VEPH1: variants seen among roughly 807,000 people sequenced by gnomAD.
The protein encoded by VEPH1 is ventricular zone expressed PH domain containing 1.
VEPH1 carries 80 observed loss-of-function variants against 85.2 expected under a neutral mutation model. That is an observed-to-expected ratio of 0.94 (90% confidence interval 0.78 to 1.13). The LOEUF is 1.13. VEPH1 is among the 50% of genes most tolerant of loss of function. The pLI is 0.00. For missense variants in VEPH1, 955 were observed against 980.5 expected (o/e 0.97, Z 0.35); for synonymous variants, 297 against 348.0 (o/e 0.85, Z 1.63).
intron 4 of VEPH1, among the ~76,000 whole-genome samples, chr3:157,432,819 A>C (rs1209713113): frequency 6.6e-6 from 1 of 152,188 alleles, no homozygotes; most frequent in African/African-American, 2.4e-5. Flanking sequence ...CATATTGAAC[A>C]TATTGACTAA....
chr3:157,442,843 A>G (rs76994524), intron 4 of VEPH1: 2 of 1,614,214 alleles, frequency 1.2e-6, no homozygotes, highest in Non-Finnish European at 1.7e-6. Flanking sequence ...ACAGGCTTCA[A>G]TATCTGGGAT....
At chr3:157,300,939 G>C (rs1224910436) in intron 11 of VEPH1, among the ~76,000 whole-genome samples, 1 of 152,200 alleles carries the variant, frequency 6.6e-6, no homozygotes, top group Non-Finnish European at 1.5e-5. Context: ...TAAAAGTCAT[G>C]CTTGTGAAAA....
intron 12 of VEPH1, among the ~76,000 whole-genome samples, chr3:157,272,171 C>G (rs12486304): frequency 0.54 from 82,194 of 151,752 alleles, 23,322 homozygotes; most frequent in East Asian, 0.66. Context: ...AGAGAAGAAC[C>G]AGCAGGAGCA....
intron 12 of VEPH1, among the ~76,000 whole-genome samples, chr3:157,271,104 G>A (rs1216213419): frequency 6.6e-6 from 1 of 152,262 alleles, no homozygotes; most frequent in South Asian, 2.1e-4. Flanking sequence ...AGGTGCTCTC[G>A]AACACCCCTC....
chr3:157,291,022 C>A (rs1717417865), intron 11 of VEPH1, among the ~76,000 whole-genome samples: 1 of 152,130 alleles, frequency 6.6e-6, no homozygotes, highest in Non-Finnish European at 1.5e-5. Flanking sequence ...AAGCAATTTT[C>A]CAGAAATCAG....
chr3:157,332,802 T>C (rs1722627800), intron 9 of VEPH1, among the ~76,000 whole-genome samples: 1 of 152,244 alleles, frequency 6.6e-6, no homozygotes, highest in Non-Finnish European at 1.5e-5. Context: ...GTGTTCAACT[T>C]GTAAGGAATG....
chr3:157,304,554 A>G (rs1052949544), intron 11 of VEPH1, among the ~76,000 whole-genome samples: 2 of 152,140 alleles, frequency 1.3e-5, no homozygotes, highest in African/African-American at 2.4e-5. Flanking sequence ...TAGCACATGC[A>G]CTGAAACGAA....
chr3:157,343,312 C>G (rs528656766), intron 9 of VEPH1, among the ~76,000 whole-genome samples: 11 of 152,160 alleles, frequency 7.2e-5, no homozygotes, highest in African/African-American at 2.6e-4. Context: ...AGAGAAGAAT[C>G]AAATAGAAGC....
intron 11 of VEPH1, among the ~76,000 whole-genome samples, chr3:157,311,321 A>G (rs1475900166): frequency 6.6e-6 from 1 of 152,236 alleles, no homozygotes; most frequent in Admixed American, 6.5e-5. Context: ...ATTTCGCTGC[A>G]GTGAAACTCC....
At chr3:157,315,029 C>G (rs989949744) in intron 10 of VEPH1, among the ~76,000 whole-genome samples, 2 of 151,636 alleles carry the variant, frequency 1.3e-5, no homozygotes, top group Admixed American at 6.6e-5. Context: ...TATAAAATAC[C>G]ATTTACCTAC....
At chr3:157,433,916 C>T (rs1733358677) in intron 4 of VEPH1, among the ~76,000 whole-genome samples, 1 of 152,210 alleles carries the variant, frequency 6.6e-6, no homozygotes, top group Non-Finnish European at 1.5e-5. Flanking sequence ...TATCCTTTGG[C>T]AGGCTTTTTT....
intron 7 of VEPH1, among the ~76,000 whole-genome samples, chr3:157,378,979 T>C (rs1577500869): frequency 6.6e-6 from 1 of 152,356 alleles, no homozygotes; most frequent in Admixed American, 6.5e-5. Context: ...ACTTTGTCTC[T>C]TGCCAACTGG....
At chr3:157,456,919 A>T (rs1735435154) in intron 4 of VEPH1, among the ~76,000 whole-genome samples, 1 of 152,118 alleles carries the variant, frequency 6.6e-6, no homozygotes, top group African/African-American at 2.4e-5. Flanking sequence ...GAATGTCATT[A>T]GTAATTTAAT....
chr3:157,345,867 C>G (rs1163004263), intron 9 of VEPH1, among the ~76,000 whole-genome samples: 1 of 152,150 alleles, frequency 6.6e-6, no homozygotes, highest in African/African-American at 2.4e-5. Flanking sequence ...AGGATGAGTT[C>G]ATGTCCTTTG....
intron 12 of VEPH1, among the ~76,000 whole-genome samples, chr3:157,277,661 A>G (rs79915067): frequency 2.6e-4 from 40 of 152,276 alleles, no homozygotes; most frequent in African/African-American, 9.6e-4. Flanking sequence ...ACACCATCAC[A>G]TGCTGTATGT....
intron 4 of VEPH1, among the ~76,000 whole-genome samples, chr3:157,430,638 A>G (rs970226581): frequency 6.6e-6 from 1 of 152,174 alleles, no homozygotes; most frequent in Non-Finnish European, 1.5e-5. Context: ...TGTTGATTCA[A>G]CAGGTTGGAG....
chr3:157,381,039 T>C (rs1328343260), intron 7 of VEPH1, 117 bp downstream of exon 7: 3 of 978,484 alleles, frequency 3.1e-6, no homozygotes, highest in Non-Finnish European at 4.7e-6. Flanking sequence ...ACAGATATTA[T>C]TCTCTGTTGA....
intron 9 of VEPH1, among the ~76,000 whole-genome samples, chr3:157,351,849 C>G (rs1038811706): frequency 6.6e-6 from 1 of 152,168 alleles, no homozygotes; most frequent in Non-Finnish European, 1.5e-5. Flanking sequence ...GCGGGCTGAC[C>G]TGCGCATTGT....
Position 157,352,345 on chromosome 3 carries a change from T to C in VEPH1, c.1735+11019A>G, listed in dbSNP as rs151010881. Among the ~76,000 whole-genome samples the C allele has an allele frequency of 3.2e-3, 494 of 152,328 alleles. 4 individuals are homozygous for C. Among genetic ancestry groups the C allele is most frequent in the African/African-American group, 0.011 (473 of 41,584 alleles). ...TGAGTAAAAATTCTTTTTGCTTTAT[T>C]ATATATTTTTATAGGCTGCTTCACG... On this transcript the variant is annotated intron_variant, in intron 9 of 13. Coordinates refer to ENST00000362010, the MANE Select transcript of VEPH1 (RefSeq NM_001167912.2).
Sources: allele counts gnomAD v4.1 joint callset (sites outside exome capture counted in the v4.1 genomes callset), GRCh38; gene constraint gnomAD v4.1.1; transcripts MANE v1.5; gene names NCBI Gene and HGNC (gene_info 2026-07-23, HGNC 2026-07-21).